Variants in DSG2 observed in about 807,000 individuals in gnomAD.
DSG2 encodes desmoglein 2.
A neutral mutation model predicts 75.6 loss-of-function variants in DSG2; 45 were observed. The observed-to-expected ratio is 0.60, with a 90% CI of 0.47 to 0.76. The LOEUF (loss-of-function observed/expected upper bound fraction) is 0.76. Among genes scored for constraint, DSG2 ranks in the 30% least tolerant of loss-of-function variants. The probability of loss-of-function intolerance (pLI) is 0.00; values close to 1 mark genes in which losing one functional copy is unlikely to be tolerated. For missense variants in DSG2, 1,267 were observed against 1,357.4 expected (o/e 0.93, Z 1.05); for synonymous variants, 429 against 483.9 (o/e 0.89, Z 1.49).
At chr18:31,536,578 T>A in intron 11 of DSG2, 149 bp downstream of exon 11, 1 of 804,790 alleles carries the variant, frequency 1.2e-6, no homozygotes, top group Non-Finnish European at 2.0e-6. Context: ...TACTGACATA[T>A]AGTATCTTTT....
chr18:31,527,659 G>C (rs1439468469), intron 8 of DSG2, among the ~76,000 whole-genome samples: 1 of 152,170 alleles, frequency 6.6e-6, no homozygotes, highest in African/African-American at 2.4e-5. Flanking sequence ...TTACTCATTA[G>C]GGAAAATCAA....
rs566186644 is a variant in DSG2, at chr18:31,547,318, A to G, written c.*575A>G. ...TGGACCATTGATGATAAGAATACAC[A>G]TTGTATGTTTCTGTGCACATGACAG... On this transcript the variant is annotated 3_prime_UTR_variant, in exon 15 of 15. Coordinates refer to ENST00000261590, the MANE Select transcript of DSG2 (RefSeq NM_001943.5). 1.3e-4 allele frequency: 25 copies of G among 197,646 alleles called. No individual in the cohort carries two copies. The highest frequency in any genetic ancestry group is 5.6e-4 in the African/African-American group (24 of 42,496). The allele number at this position is 197,646 out of a possible 1,614,324, so 12.2% of individuals were successfully genotyped here.
intron 6 of DSG2, chr18:31,522,623 T>TTCTTTTTAAAA: frequency 5.8e-6 from 1 of 172,266 alleles, no homozygotes; most frequent in South Asian, 1.3e-4. Flanking sequence ...TATCATGTGT[T>TTCTTTTTAAAA]TCTTTTTAAA....
chr18:31,534,928 CA>C (rs2073220113), intron 9 of DSG2, among the ~76,000 whole-genome samples: 1 of 152,168 alleles, frequency 6.6e-6, no homozygotes, highest in Admixed American at 6.5e-5. Context: ...AGTTATTCCC[CA>C]AAAGTTTAAC....
In DSG2 at chr18:31,545,729, C is replaced by CAAGA. The variant is rs1252006527; in HGVS notation, c.2343_2344insAAGA (p.Ser782LysfsTer5). ...TTTTGTTTTCATTTTAGAAAGCGGC[C>CAAGA]TCTTACACTGAGGAAGATGAAAATC... On this transcript the variant is annotated frameshift_variant, in exon 15 of 15. Transcript: ENST00000261590. LOFTEE classifies it low-confidence loss of function (END_TRUNC). 2 of 1,613,762 alleles carry CAAGA rather than the reference C, an allele frequency of 1.2e-6. No individual in the cohort carries two copies. Among genetic ancestry groups the CAAGA allele is most frequent in the African/African-American group, 2.7e-5 (2 of 75,038 alleles).
Position 31,522,610 on chromosome 18 carries a change from T to C in DSG2, c.690+361T>C, listed in dbSNP as rs73956199. 1,475 of 173,096 alleles carry C rather than the reference T, an allele frequency of 8.5e-3. 27 individuals carry two copies. The highest frequency in any genetic ancestry group is 0.033 in the African/African-American group (1,394 of 41,832). 10.7% of individuals were successfully genotyped at this position (173,096 alleles called of 1,614,324 possible). A position where few individuals can be genotyped will look rare whatever the true frequency, so the allele number is the denominator to read the frequency against. ...TAAATAAAATATACTTGTTTAAAATTGTTATCATGTGTTTCTTTTTAAAAT... is the reference window on the plus strand; with the variant it reads ...TAAATAAAATATACTTGTTTAAAATCGTTATCATGTGTTTCTTTTTAAAAT... On this transcript the variant is annotated intron_variant, in intron 6 of 14. Transcript: ENST00000261590.
rs183009116 is a variant in DSG2, at chr18:31,509,815, C to T, written c.46-8424C>T. Among the ~76,000 whole-genome samples the T allele has an allele frequency of 4.5e-4, 69 of 152,300 alleles. 1 individual carries two copies. Among genetic ancestry groups the T allele is most frequent in the Non-Finnish European group, 1.9e-4 (13 of 68,026 alleles). On this transcript the variant is annotated intron_variant, in intron 1 of 14. Coordinates refer to ENST00000261590, the MANE Select transcript of DSG2 (RefSeq NM_001943.5). Reference sequence around the variant, plus strand: ...AGAGCCTTCTTTGTGGCTATGGACGCTACTACAGACCAGACCACCAGCTCT... The same window carrying T: ...AGAGCCTTCTTTGTGGCTATGGACGTTACTACAGACCAGACCACCAGCTCT...
intron 9 of DSG2, among the ~76,000 whole-genome samples, chr18:31,532,827 C>G (rs974749539): frequency 1.3e-5 from 2 of 152,150 alleles, no homozygotes; most frequent in Non-Finnish European, 1.5e-5. Context: ...CTTATATGTT[C>G]AAACTAATTA....
intron 1 of DSG2, among the ~76,000 whole-genome samples, chr18:31,509,828 G>A (rs2073057571): frequency 6.6e-6 from 1 of 152,174 alleles, no homozygotes; most frequent in Non-Finnish European, 1.5e-5. Flanking sequence ...CTACAGACCA[G>A]ACCACCAGCT....
rs1567934275 is a variant in DSG2, at chr18:31,545,760, G to C, written c.2374G>C (p.Ala792Pro). The change falls in exon 15 of 15, where the codon GCC becomes CCC. Residue 792 changes from alanine to proline, a missense_variant. By Grantham distance (27) the Ala-to-Pro change is conservative. Transcript: ENST00000261590. ...SYTEEDENHT[A>P]KDCLLVYSQE... is the part of the protein sequence containing the mutation. ...CACTGAGGAAGATGAAAATCACACA[G>C]CCAAAGATTGCCTTCTGGTTTATTC... 6.2e-7 allele frequency: 1 copy of C among 1,614,094 alleles called. No homozygotes were observed. The highest frequency in any genetic ancestry group is 2.2e-5 in the East Asian group (1 of 44,870).
At chr18:31,536,479 T>C (rs1208474280) in intron 11 of DSG2, 50 bp downstream of exon 11, 13 of 1,507,724 alleles carry the variant, frequency 8.6e-6, no homozygotes, top group Non-Finnish European at 1.1e-5. Flanking sequence ...AAGCATGATA[T>C]CTAAAATATT....
chr18:31,542,930 C>T (rs2073279494), intron 14 of DSG2, 78 bp downstream of exon 14: 2 of 1,024,548 alleles, frequency 2.0e-6, no homozygotes, highest in Admixed American at 3.1e-5. Flanking sequence ...TTAGGGTAAT[C>T]ATTGCCTTGG....
At chr18:31,525,090 G>A (rs1446863213) in intron 8 of DSG2, among the ~76,000 whole-genome samples, 2 of 152,232 alleles carry the variant, frequency 1.3e-5, no homozygotes, top group South Asian at 2.1e-4. Flanking sequence ...CATATCAGGG[G>A]ACTCTAATCC....
intron 8 of DSG2, among the ~76,000 whole-genome samples, chr18:31,525,940 A>C (rs1389788361): frequency 1.3e-5 from 2 of 152,144 alleles, no homozygotes; most frequent in Non-Finnish European, 2.9e-5. Context: ...CAGGAGTTCG[A>C]GACCAGCCTG....
chr18:31,506,038 T>TG (rs968667554), intron 1 of DSG2, among the ~76,000 whole-genome samples: 1 of 152,204 alleles, frequency 6.6e-6, no homozygotes, highest in African/African-American at 2.4e-5. Flanking sequence ...TCTAAGGACA[T>TG]GTGAACTGCC....
At chr18:31,529,071 A>T (rs2073179162) in intron 8 of DSG2, among the ~76,000 whole-genome samples, 1 of 152,236 alleles carries the variant, frequency 6.6e-6, no homozygotes, top group Non-Finnish European at 1.5e-5. Flanking sequence ...ATATGGAAAT[A>T]GAGATAGTAA....
intron 8 of DSG2, among the ~76,000 whole-genome samples, chr18:31,529,288 A>G (rs1376568929): frequency 6.6e-6 from 1 of 152,202 alleles, no homozygotes; most frequent in Non-Finnish European, 1.5e-5. Flanking sequence ...TATGACTAAC[A>G]CTATGAAACA....
intron 13 of DSG2, among the ~76,000 whole-genome samples, chr18:31,541,906 G>A (rs554455987): frequency 3.3e-5 from 5 of 152,244 alleles, no homozygotes; most frequent in Middle Eastern, 3.4e-3. Context: ...TGATTCATCC[G>A]CAGCATGGTC....
At chr18:31,532,931 GTTTGTTTA>G in intron 9 of DSG2, among the ~76,000 whole-genome samples, 1 of 142,888 alleles carries the variant, frequency 7.0e-6, no homozygotes, top group East Asian at 2.2e-4. Flanking sequence ...TTGTTTGTTT[GTTTGTTTA>G]GGGGCCATGA....
Sources: allele counts gnomAD v4.1 joint callset (sites outside exome capture counted in the v4.1 genomes callset), GRCh38; gene constraint gnomAD v4.1.1; transcripts MANE v1.5; gene names NCBI Gene and HGNC (gene_info 2026-07-23, HGNC 2026-07-21).